Variants in NSMCE2 observed in about 807,000 individuals in gnomAD.
NSMCE2 encodes the protein NSE2 SUMO ligase component of SMC5/6 complex, also known as E3 SUMO-protein ligase NSE2.
A neutral mutation model predicts 23.8 loss-of-function variants in NSMCE2; 24 were observed. The ratio of observed to expected loss-of-function variants is 1.01; its 90% CI spans 0.73 to 1.42. NSMCE2 has a LOEUF of 1.42. Ranked by LOEUF, NSMCE2 falls within the 40% of genes most tolerant of loss-of-function variation. The pLI is 0.00. For synonymous variants in NSMCE2, 92 were observed against 94.1 expected (o/e 0.98, Z 0.13); for missense variants, 284 against 296.5 (o/e 0.96, Z 0.31).
At chr8:125,323,414 A>G (rs1829530723) in intron 5 of NSMCE2, among the ~76,000 whole-genome samples, 2 of 152,228 alleles carry the variant, frequency 1.3e-5, no homozygotes, top group Admixed American at 1.3e-4. Context: ...TAATGAAGCT[A>G]TAGTAACAAG....
intron 5 of NSMCE2, among the ~76,000 whole-genome samples, chr8:125,269,705 AAAGCAAATCGTTT>A: frequency 6.6e-6 from 1 of 152,352 alleles, no homozygotes; most frequent in East Asian, 1.9e-4. Flanking sequence ...ATAAGCTTGG[AAAGCAAATCGTTT>A]AAGTCTGTGT....
chr8:125,125,109 A>G (rs1819449655), intron 3 of NSMCE2, among the ~76,000 whole-genome samples: 1 of 152,048 alleles, frequency 6.6e-6, no homozygotes, highest in East Asian at 1.9e-4. Context: ...ATACAAGATC[A>G]TGTCATCTGT....
At chr8:125,336,925 G>A (rs1830078611) in intron 5 of NSMCE2, among the ~76,000 whole-genome samples, 1 of 152,200 alleles carries the variant, frequency 6.6e-6, no homozygotes, top group African/African-American at 2.4e-5. Flanking sequence ...TGGGAACTAT[G>A]GGAATCTTCT....
At chr8:125,167,754 T>C (rs889381320) in intron 4 of NSMCE2, among the ~76,000 whole-genome samples, 10 of 151,728 alleles carry the variant, frequency 6.6e-5, no homozygotes, top group Admixed American at 1.3e-4. Flanking sequence ...TTTTTTTTTT[T>C]CTTGTAAGAT....
Position 125,260,402 on chromosome 8 carries a change from G to A in NSMCE2, c.418+78146G>A, listed in dbSNP as rs1020031345. Among the ~76,000 whole-genome samples, 7 of 152,114 alleles carry A rather than the reference G, an allele frequency of 4.6e-5. No homozygotes were observed. The East Asian group carries it at 1.2e-3, about 25-fold the overall frequency. Reference sequence around the variant, plus strand: ...AGCTAAAGGATGATTACAGTGTAGGGCGGTTCATTTTGATTCACTGGGGCT... The same window carrying A: ...AGCTAAAGGATGATTACAGTGTAGGACGGTTCATTTTGATTCACTGGGGCT... On this transcript the variant is annotated intron_variant, in intron 5 of 7. Coordinates refer to ENST00000287437, the MANE Select transcript of NSMCE2 (RefSeq NM_173685.4).
chr8:125,132,888 A>G (rs1336292439), intron 3 of NSMCE2, among the ~76,000 whole-genome samples: 1 of 152,248 alleles, frequency 6.6e-6, no homozygotes, highest in South Asian at 2.1e-4. Context: ...AGAACATGAG[A>G]TAAGACTAGA....
chr8:125,251,810 A>G (rs886136356), intron 5 of NSMCE2, among the ~76,000 whole-genome samples: 13 of 152,242 alleles, frequency 8.5e-5, no homozygotes, highest in Admixed American at 8.5e-4. Flanking sequence ...TCAAGGTCTT[A>G]CAGGAGCTAA....
intron 5 of NSMCE2, among the ~76,000 whole-genome samples, chr8:125,217,920 T>C (rs1824675610): frequency 6.6e-6 from 1 of 150,436 alleles, no homozygotes; most frequent in South Asian, 2.1e-4. Flanking sequence ...TGTACTAGGA[T>C]AGAAAATAAA....
chr8:125,099,868 A>G (rs1236154132), intron 1 of NSMCE2, among the ~76,000 whole-genome samples: 1 of 152,052 alleles, frequency 6.6e-6, no homozygotes. Flanking sequence ...AAGTCGGAGG[A>G]TGTTTTTGAG....
intron 5 of NSMCE2, among the ~76,000 whole-genome samples, chr8:125,335,036 G>A (rs1226182110): frequency 6.6e-6 from 1 of 152,012 alleles, no homozygotes; most frequent in Non-Finnish European, 1.5e-5. Context: ...GATTACAGGC[G>A]TGAGCCGCAG....
intron 3 of NSMCE2, among the ~76,000 whole-genome samples, chr8:125,144,228 A>G (rs1820541919): frequency 6.6e-6 from 1 of 152,160 alleles, no homozygotes; most frequent in Admixed American, 6.5e-5. Context: ...GCCTTAGGCT[A>G]CAGCTATAGG....
At chr8:125,274,080 G>A (rs896743731) in intron 5 of NSMCE2, among the ~76,000 whole-genome samples, 1 of 152,152 alleles carries the variant, frequency 6.6e-6, no homozygotes, top group African/African-American at 2.4e-5. Flanking sequence ...GAGGACTTCA[G>A]AGCTCTTGAG....
At chr8:125,233,216 C>T (rs1825404955) in intron 5 of NSMCE2, among the ~76,000 whole-genome samples, 1 of 152,106 alleles carries the variant, frequency 6.6e-6, no homozygotes, top group South Asian at 2.1e-4. Flanking sequence ...TGTGATAAAC[C>T]CTGCTTTAAG....
chr8:125,362,592 C>T (rs958115127), intron 7 of NSMCE2, among the ~76,000 whole-genome samples: 2 of 152,230 alleles, frequency 1.3e-5, no homozygotes, highest in East Asian at 1.9e-4. Flanking sequence ...CAGGCTTGTC[C>T]TCTGCCTTCA....
At chr8:125,250,123 G>GT (rs1826143074) in intron 5 of NSMCE2, among the ~76,000 whole-genome samples, 3 of 152,096 alleles carry the variant, frequency 2.0e-5, no homozygotes, top group African/African-American at 7.2e-5. Context: ...CCAAGTAGCT[G>GT]GTACTACAGT....
chr8:125,097,340 C>T (rs1817989100), intron 1 of NSMCE2, among the ~76,000 whole-genome samples: 1 of 152,194 alleles, frequency 6.6e-6, no homozygotes, highest in Non-Finnish European at 1.5e-5. Context: ...CTAGACCCAA[C>T]TGGAGTGAAT....
intron 3 of NSMCE2, among the ~76,000 whole-genome samples, chr8:125,131,533 A>G (rs1372559085): frequency 2.6e-5 from 4 of 152,170 alleles, no homozygotes; most frequent in African/African-American, 7.2e-5. Flanking sequence ...GGATATAGAT[A>G]TTGGAACTTA....
At chr8:125,247,975 T>C (rs1222345388) in intron 5 of NSMCE2, among the ~76,000 whole-genome samples, 4 of 152,190 alleles carry the variant, frequency 2.6e-5, no homozygotes, top group Admixed American at 6.5e-5. Context: ...TTATAATAAG[T>C]GCATGGAAGA....
At chr8:125,253,775 T>C (rs1826293222) in intron 5 of NSMCE2, among the ~76,000 whole-genome samples, 1 of 152,216 alleles carries the variant, frequency 6.6e-6, no homozygotes, top group South Asian at 2.1e-4. Context: ...TAATTACTAT[T>C]CCATTTCCTA....
Sources: gnomAD v4.1 joint callset for allele counts (sites outside exome capture counted in the v4.1 genomes callset) on GRCh38, gnomAD v4.1.1 for gene constraint, MANE v1.5 for transcripts, NCBI Gene and HGNC (gene_info 2026-07-23, HGNC 2026-07-21) for gene names.